MMP20: variants seen among roughly 807,000 people sequenced by gnomAD.
MMP20 encodes matrix metalloproteinase-20.
Under a neutral mutation model 51.8 loss-of-function variants are expected in MMP20, and 50 were observed. The ratio of observed to expected loss-of-function variants is 0.97; its 90% CI spans 0.77 to 1.22. The LOEUF (loss-of-function observed/expected upper bound fraction) is 1.22. Among genes scored for constraint, MMP20 ranks in the 50% most tolerant of loss-of-function variants. The probability of loss-of-function intolerance (pLI) is 0.00; values close to 1 mark genes in which losing one functional copy is unlikely to be tolerated. For synonymous variants in MMP20, 244 were observed against 216.2 expected (o/e 1.13, Z -1.13); for missense variants, 663 against 601.4 (o/e 1.10, Z -1.07).
At chr11:102,594,579 T>G in intron 7 of MMP20, 42 bp downstream of exon 7, 3 of 1,610,930 alleles carry the variant, frequency 1.9e-6, no homozygotes, top group Non-Finnish European at 2.5e-6. Flanking sequence ...AATGGGGCAC[T>G]GCAGCCCTGC....
intron 8 of MMP20, among the ~76,000 whole-genome samples, chr11:102,592,862 T>C (rs1038768931): frequency 2.0e-5 from 3 of 152,244 alleles, no homozygotes; most frequent in African/African-American, 7.2e-5. Context: ...AGTGATTGGA[T>C]GACAGATGAC....
At chr11:102,579,551 A>G (rs1173252779) in intron 8 of MMP20, among the ~76,000 whole-genome samples, 1 of 152,076 alleles carries the variant, frequency 6.6e-6, no homozygotes, top group South Asian at 2.1e-4. Flanking sequence ...GTCTCAAGCA[A>G]TCCTCCCACA....
At chr11:102,598,506 T>A (rs1161592958) in intron 6 of MMP20, among the ~76,000 whole-genome samples, 2 of 152,232 alleles carry the variant, frequency 1.3e-5, no homozygotes, top group African/African-American at 4.8e-5. Context: ...AATACACATT[T>A]GTTGGCTAAA....
At chr11:102,588,126 A>G (rs538904564) in intron 8 of MMP20, among the ~76,000 whole-genome samples, 1 of 152,176 alleles carries the variant, frequency 6.6e-6, no homozygotes, top group Admixed American at 6.5e-5. Context: ...TGATTTCCTT[A>G]GTGGTTGATG....
At chr11:102,606,023 A>G (rs2135939837) in intron 6 of MMP20, among the ~76,000 whole-genome samples, 1 of 152,294 alleles carries the variant, frequency 6.6e-6, no homozygotes, top group Non-Finnish European at 1.5e-5. Context: ...CCATCTGATC[A>G]TCCATCCATC....
chr11:102,584,753 T>C (rs2135929389), intron 8 of MMP20, among the ~76,000 whole-genome samples: 1 of 152,328 alleles, frequency 6.6e-6, no homozygotes, highest in Middle Eastern at 3.4e-3. Context: ...TTTGTCAGAT[T>C]AGCTCTTATA....
chr11:102,584,917 A>T (rs1029703708), intron 8 of MMP20, among the ~76,000 whole-genome samples: 1 of 152,142 alleles, frequency 6.6e-6, no homozygotes, highest in African/African-American at 2.4e-5. Context: ...TCGTTGTCAA[A>T]AATCAGTTGC....
rs1341815597 is a variant in MMP20 at position 102,616,839 on chromosome 11, T to C, written c.347A>G (p.Lys116Arg). The change falls in exon 2 of 10, where the codon AAA becomes AGA. Residue 116 changes from lysine (K) to arginine (R), a missense_variant. Physicochemically the swap from Lys to Arg is conservative, Grantham distance 26. Transcript: ENST00000260228. ...ANYRLFPGEPKWKKNTLTYRI... is the reference protein window; with the variant it reads ...ANYRLFPGEPRWKKNTLTYRI... ...GTATGTCAAAGTATTTTTTTTCCATTTGGGTTCACCAGGGAAGAGGCGATA... is the reference window on the plus strand; with the variant it reads ...GTATGTCAAAGTATTTTTTTTCCATCTGGGTTCACCAGGGAAGAGGCGATA... 2 of 1,614,076 alleles carry C rather than the reference T, an allele frequency of 1.2e-6. No homozygotes were observed. The highest frequency in any genetic ancestry group is 1.6e-4 in the Middle Eastern group (1 of 6,084).
chr11:102,594,186 AC>A (rs1859352073), intron 7 of MMP20, among the ~76,000 whole-genome samples: 1 of 152,192 alleles, frequency 6.6e-6, no homozygotes. Flanking sequence ...ATATGTGTCC[AC>A]CTCCTGAAGT....
intron 6 of MMP20, among the ~76,000 whole-genome samples, chr11:102,602,662 G>T (rs1402113454): frequency 6.6e-6 from 1 of 152,166 alleles, no homozygotes; most frequent in Non-Finnish European, 1.5e-5. Flanking sequence ...TCATGGGAGG[G>T]TCTGCTGAGG....
chr11:102,619,801 G>C (rs899696862), intron 1 of MMP20, among the ~76,000 whole-genome samples: 7 of 150,706 alleles, frequency 4.6e-5, no homozygotes, highest in Non-Finnish European at 8.8e-5. Flanking sequence ...CTATGAACCT[G>C]CGTAATTTTT....
intron 3 of MMP20, among the ~76,000 whole-genome samples, chr11:102,610,328 T>G (rs959658942): frequency 6.7e-6 from 1 of 150,364 alleles, no homozygotes; most frequent in African/African-American, 2.4e-5. Flanking sequence ...GGACTTTGCA[T>G]GTGCCACAGA....
At chr11:102,582,775 G>A (rs1281500562) in intron 8 of MMP20, among the ~76,000 whole-genome samples, 1 of 152,132 alleles carries the variant, frequency 6.6e-6, no homozygotes, top group African/African-American at 2.4e-5. Context: ...ACTTAAAAAT[G>A]GGGAAAACTG....
At position 102,594,674 on chromosome 11, in the gene MMP20, T is replaced by C. The variant is rs376142294; in HGVS notation, c.1037A>G (p.Asn346Ser). 3.1e-6 allele frequency: 5 copies of C among 1,613,078 alleles called. No individual in the cohort carries two copies. The highest frequency in any genetic ancestry group is 2.7e-5 in the African/African-American group (2 of 74,588). Residue 346 changes from asparagine (N) to serine (S), a missense_variant, in exon 7 of 10, where the codon AAT becomes AGT. By Grantham distance (46) the Asn-to-Ser change is conservative. Transcript: ENST00000260228. Reference protein sequence around the residue: ...ITSSFPQLMSNVDAAYEVAER... With the variant: ...ITSSFPQLMSSVDAAYEVAER... ...AGCCACTTCGTAAGCTGCATCCACATTGGACATGAGCTGGGGGAAGGAGCT... is the reference window on the plus strand; with the variant it reads ...AGCCACTTCGTAAGCTGCATCCACACTGGACATGAGCTGGGGGAAGGAGCT...
Position 102,594,608 on chromosome 11 carries a change from A to T in MMP20, c.1090+13T>A, listed in dbSNP as rs370325712. The T allele has an allele frequency of 2.2e-4, 355 of 1,613,204 alleles. 6 individuals carry two copies. The South Asian group carries it at 3.7e-3, about 17-fold the overall frequency. ...GCCCTGCCATTTCTTTCTTTGAGGG[A>T]TCTGTAGGGTACCTTTGAAGAAGTA... On this transcript the variant is annotated intron_variant, in intron 7 of 9. Coordinates refer to ENST00000260228, the MANE Select transcript of MMP20 (RefSeq NM_004771.4).
chr11:102,609,203 T>C, intron 4 of MMP20, 105 bp from the exon 5 acceptor site: 1 of 1,011,756 alleles, frequency 9.9e-7, no homozygotes. Context: ...TTAACCCATC[T>C]CCTTCTCCTA....
At chr11:102,612,998 A>G (rs1026337536) in intron 2 of MMP20, among the ~76,000 whole-genome samples, 5 of 152,092 alleles carry the variant, frequency 3.3e-5, no homozygotes, top group Admixed American at 6.5e-5. Flanking sequence ...CAGCCTCCCA[A>G]AGTGCTCGGA....
chr11:102,618,326 T>C (rs1295890032), intron 1 of MMP20, among the ~76,000 whole-genome samples: 34 of 151,544 alleles, frequency 2.2e-4, no homozygotes, highest in Admixed American at 2.2e-3. Flanking sequence ...CATGTTTATT[T>C]ATTAGATATA....
intron 1 of MMP20, among the ~76,000 whole-genome samples, chr11:102,623,990 A>G (rs1003508272): frequency 5.3e-5 from 8 of 152,242 alleles, no homozygotes; most frequent in African/African-American, 1.9e-4. Context: ...CTAAAGTCAA[A>G]AGAAGTTCAG....
Sources: allele counts gnomAD v4.1 joint callset (sites outside exome capture counted in the v4.1 genomes callset), GRCh38; gene constraint gnomAD v4.1.1; transcripts MANE v1.5; gene names NCBI Gene and HGNC (gene_info 2026-07-23, HGNC 2026-07-21).